The following MRPL1 variants were observed in gnomAD, a reference collection of about 807,000 sequenced individuals.
The protein encoded by MRPL1 is mitochondrial ribosomal protein L1.
MRPL1 carries 28 observed loss-of-function variants against 38.0 expected under a neutral mutation model. The observed-to-expected ratio is 0.74, with a 90% CI of 0.55 to 1.01. The LOEUF is 1.01. Among genes scored for constraint, MRPL1 ranks in the 50% least tolerant of loss-of-function variants. The pLI, the probability that MRPL1 is intolerant of heterozygous loss-of-function variation, is 0.00. For synonymous variants in MRPL1, 123 were observed against 126.7 expected, an observed-to-expected ratio of 0.97 and a Z score of 0.20; for missense variants, 358 against 389.8, an observed-to-expected ratio of 0.92 and a Z score of 0.69.
At chr4:77,877,229 AG>A (rs1324076614) in intron 2 of MRPL1, among the ~76,000 whole-genome samples, 4 of 152,212 alleles carry the variant, frequency 2.6e-5, no homozygotes, top group Non-Finnish European at 4.4e-5. Context: ...TGCTTATGTC[AG>A]ATATCTGAAT....
intron 5 of MRPL1, among the ~76,000 whole-genome samples, chr4:77,893,277 C>T (rs1029148987): frequency 3.9e-5 from 6 of 152,170 alleles, no homozygotes; most frequent in East Asian, 1.9e-4. Context: ...CCACCACGCC[C>T]GGCTAGTTTT....
At chr4:77,895,659 T>C (rs1735897047) in intron 6 of MRPL1, among the ~76,000 whole-genome samples, 1 of 152,178 alleles carries the variant, frequency 6.6e-6, no homozygotes, top group South Asian at 2.1e-4. Context: ...TCCTAGCCAC[T>C]AACAACTTGT....
intron 7 of MRPL1, among the ~76,000 whole-genome samples, chr4:77,933,515 G>A (rs1224228716): frequency 6.6e-6 from 1 of 152,130 alleles, no homozygotes; most frequent in African/African-American, 2.4e-5. Flanking sequence ...AACTCCTGGA[G>A]ATGAAATAAA....
intron 7 of MRPL1, among the ~76,000 whole-genome samples, chr4:77,938,585 G>C (rs1305019608): frequency 6.6e-6 from 1 of 152,092 alleles, no homozygotes; most frequent in Non-Finnish European, 1.5e-5. Context: ...GTGGTGGTTT[G>C]TTTTGTCTTA....
chr4:77,929,213 C>T (rs1053006847), intron 7 of MRPL1, among the ~76,000 whole-genome samples: 15 of 152,140 alleles, frequency 9.9e-5, no homozygotes, highest in Non-Finnish European at 1.2e-4. Flanking sequence ...TCTCTTGAGC[C>T]TGTGAGTTCA....
At chr4:77,932,686 C>CTCAG (rs1204199994) in intron 7 of MRPL1, among the ~76,000 whole-genome samples, 2 of 152,014 alleles carry the variant, frequency 1.3e-5, no homozygotes, top group Non-Finnish European at 2.9e-5. Context: ...GGAAAACAAG[C>CTCAG]TCAGGGCCCC....
At chr4:77,865,592 C>T (rs1309530241) in intron 1 of MRPL1, among the ~76,000 whole-genome samples, 1 of 152,082 alleles carries the variant, frequency 6.6e-6, no homozygotes, top group African/African-American at 2.4e-5. Flanking sequence ...TCTCGAGCTC[C>T]TGGGCTCAAG....
In MRPL1 at chr4:77,894,957, T is replaced by C. The variant is rs74811786; in HGVS notation, c.670+707T>C. Among the ~76,000 whole-genome samples, 201 of 152,232 alleles carry C rather than the reference T, an allele frequency of 1.3e-3. 1 individual carries two copies. Among genetic ancestry groups the C allele is most frequent in the African/African-American group, 4.4e-3 (182 of 41,580 alleles). On this transcript the variant is annotated intron_variant, in intron 6 of 8. Coordinates refer to ENST00000315567, the MANE Select transcript of MRPL1 (RefSeq NM_020236.4). ...AGACACCAAAGTAAGTCAGAAATCA[T>C]AGGCCAGGTACAAGAAATATTAATT...
intron 6 of MRPL1, among the ~76,000 whole-genome samples, chr4:77,902,406 C>A (rs1190821783): frequency 5.4e-5 from 7 of 130,062 alleles, no homozygotes; most frequent in East Asian, 2.3e-4. Flanking sequence ...AAAAAAAAAA[C>A]CGAGTTAGAA....
chr4:77,923,304 C>T lies in MRPL1; in HGVS notation c.777+13932C>T, dbSNP rs145001706. Among the ~76,000 whole-genome samples, 342 of 152,096 alleles carry T rather than the reference C, an allele frequency of 2.2e-3. 1 individual carries two copies. Among genetic ancestry groups the T allele is most frequent in the Non-Finnish European group, 4.2e-3 (283 of 67,976 alleles). On this transcript the variant is annotated intron_variant, in intron 7 of 8. Transcript: ENST00000315567. ...AGAGACAGGGTTTCACCATGTTGGC[C>T]AGGCTGGACTTGAACTCCTAACCTC...
intron 2 of MRPL1, 65 bp from the exon 3 acceptor site, chr4:77,883,177 C>CTTTT (rs1342772014): frequency 3.7e-6 from 4 of 1,073,030 alleles, no homozygotes; most frequent in Non-Finnish European, 5.1e-6. Context: ...TGTACACTGG[C>CTTTT]TTTTTTTTTA....
Position 77,887,242 on chromosome 4 carries a change from C to A in MRPL1, c.509C>A (p.Ala170Glu), listed in dbSNP as rs777813730. ...FTENASEVKI[A>E]EENGAAFAGG... ...TAGAATGCATCAGAGGTCAAAATAGCGGAAGAAAATGGAGCTGCATTTGCA... is the reference window on the plus strand; with the variant it reads ...TAGAATGCATCAGAGGTCAAAATAGAGGAAGAAAATGGAGCTGCATTTGCA... Residue 170 changes from alanine (A) to glutamate (E), a missense_variant, in exon 5 of 9, where the codon GCG (alanine) becomes GAG (glutamate). Ala to Glu is a moderately radical substitution (Grantham distance 107). Coordinates refer to ENST00000315567, the MANE Select transcript of MRPL1 (RefSeq NM_020236.4). The A allele has an allele frequency of 6.2e-7, 1 of 1,613,500 alleles. No homozygotes were observed. Among genetic ancestry groups the A allele is most frequent in the Admixed American group, 1.7e-5 (1 of 59,988 alleles).
chr4:77,947,998 A>G (rs979090869), intron 7 of MRPL1, among the ~76,000 whole-genome samples: 1 of 152,226 alleles, frequency 6.6e-6, no homozygotes, highest in African/African-American at 2.4e-5. Flanking sequence ...TGCAGGGAAC[A>G]TAATTGTTTT....
intron 3 of MRPL1, among the ~76,000 whole-genome samples, chr4:77,884,291 AT>A (rs1735623745): frequency 6.6e-6 from 1 of 152,150 alleles, no homozygotes; most frequent in Non-Finnish European, 1.5e-5. Flanking sequence ...CTATAAAGAA[AT>A]CCCGAGGAGG....
At chr4:77,869,197 C>A (rs999514559) in intron 1 of MRPL1, among the ~76,000 whole-genome samples, 10 of 152,142 alleles carry the variant, frequency 6.6e-5, no homozygotes, top group African/African-American at 2.4e-4. Flanking sequence ...TCTAACCTTT[C>A]ACTATCAATT....
intron 7 of MRPL1, among the ~76,000 whole-genome samples, chr4:77,910,271 T>A (rs931134018): frequency 6.6e-6 from 1 of 152,188 alleles, no homozygotes. Context: ...AGGCTCTTTA[T>A]CCCTATACCA....
At chr4:77,916,598 G>A (rs1406034960) in intron 7 of MRPL1, among the ~76,000 whole-genome samples, 1 of 152,072 alleles carries the variant, frequency 6.6e-6, no homozygotes, top group East Asian at 1.9e-4. Flanking sequence ...CTTTTCTGTG[G>A]ATAAAAGTGT....
intron 7 of MRPL1, among the ~76,000 whole-genome samples, chr4:77,918,423 G>A (rs1173701459): frequency 1.3e-5 from 2 of 152,132 alleles, no homozygotes; most frequent in Non-Finnish European, 2.9e-5. Flanking sequence ...CAGTCTTCTA[G>A]GGTTTTTTTT....
intron 7 of MRPL1, among the ~76,000 whole-genome samples, chr4:77,940,449 A>G (rs181856684): frequency 6.6e-6 from 1 of 152,288 alleles, no homozygotes; most frequent in East Asian, 1.9e-4. Flanking sequence ...TTTTTGAAGG[A>G]GTCTTTAGAG....
Sources: gnomAD v4.1 joint callset for allele counts (sites outside exome capture counted in the v4.1 genomes callset) on GRCh38, gnomAD v4.1.1 for gene constraint, MANE v1.5 for transcripts, NCBI Gene and HGNC (gene_info 2026-07-23, HGNC 2026-07-21) for gene names.